The following NFAT5 variants were observed in gnomAD, a reference collection of about 807,000 sequenced individuals.
The protein encoded by NFAT5 is nuclear factor of activated T-cells 5.
Under a neutral mutation model 166.5 loss-of-function variants are expected in NFAT5, and 31 were observed. The ratio of observed to expected loss-of-function variants is 0.19; its 90% CI spans 0.14 to 0.25. The LOEUF is 0.25. Among genes scored for constraint, NFAT5 ranks in the 10% least tolerant of loss-of-function variants. NFAT5 has a pLI of 1.00. For missense variants in NFAT5, 1,449 were observed against 1,821.8 expected (o/e 0.80, Z 3.72); for synonymous variants, 612 against 639.7 (o/e 0.96, Z 0.65).
intron 2 of NFAT5, among the ~76,000 whole-genome samples, chr16:69,570,249 A>T (rs1368167997): frequency 6.6e-6 from 1 of 152,146 alleles, no homozygotes; most frequent in Non-Finnish European, 1.5e-5. Context: ...TATAAGTATC[A>T]ATTCTGTCAT....
Position 69,693,125 on chromosome 16 carries a change from G to C in NFAT5, c.3300G>C (p.Gln1100His). ...CTCAAAATCCTATTGCCGATGCTCA[G>C]AACCTTTCCCAGGAAACTCAAGGTT... is the stretch of plus-strand genomic sequence containing the variant. The part of the protein sequence containing the change: ...FHPQNPIADA[Q>H]NLSQETQGSL... Residue 1100 changes from glutamine to histidine, a missense_variant, in exon 13 of 15, where the codon CAG becomes CAC. Transcript: ENST00000349945. 6.2e-7 allele frequency: 1 copy of C among 1,614,062 alleles called. No individual in the cohort carries two copies. Among genetic ancestry groups the C allele is most frequent in the Non-Finnish European group, 8.5e-7 (1 of 1,180,020 alleles).
intron 2 of NFAT5, among the ~76,000 whole-genome samples, chr16:69,602,514 AC>A (rs2033183946): frequency 6.6e-6 from 1 of 150,842 alleles, no homozygotes; most frequent in Non-Finnish European, 1.5e-5. Context: ...GTGATCCGCC[AC>A]CTCAGCCTCC....
intron 3 of NFAT5, among the ~76,000 whole-genome samples, chr16:69,633,223 A>G (rs1160872503): frequency 6.6e-6 from 1 of 152,160 alleles, no homozygotes; most frequent in East Asian, 1.9e-4. Flanking sequence ...TCAGTTTCTA[A>G]TAAATAAGCA....
chr16:69,699,557 G>A lies in NFAT5; in HGVS notation c.*3206G>A, dbSNP rs7359336. 0.66 allele frequency: 100,045 copies of A among 152,502 alleles called. 33,559 individuals carry two copies. Among genetic ancestry groups the A allele is most frequent in the East Asian group, 0.88 (4,571 of 5,182 alleles). 9.4% of individuals were successfully genotyped at this position (152,502 alleles called of 1,614,324 possible). A position where few individuals can be genotyped will look rare whatever the true frequency, so the allele number is the denominator to read the frequency against. ...CATTCTGAAAATACAATTTGGCTAC[G>A]AAGAGTATTCATCTTCTTTGAAGCT... On this transcript the variant is annotated 3_prime_UTR_variant, in exon 15 of 15. Coordinates refer to ENST00000349945, the MANE Select transcript of NFAT5 (RefSeq NM_138713.4).
chr16:69,686,773 G>C (rs1268131094), intron 11 of NFAT5, among the ~76,000 whole-genome samples: 1 of 152,046 alleles, frequency 6.6e-6, no homozygotes, highest in Non-Finnish European at 1.5e-5. Context: ...TTGGGCAGAA[G>C]AATTGCTTGA....
chr16:69,663,383 T>A (rs1021511476), intron 7 of NFAT5, among the ~76,000 whole-genome samples: 3 of 152,120 alleles, frequency 2.0e-5, no homozygotes, highest in African/African-American at 7.2e-5. Flanking sequence ...TAGGTGTATA[T>A]GTTTTTTGTT....
chr16:69,603,232 A>T (rs2033231230), intron 2 of NFAT5, among the ~76,000 whole-genome samples: 1 of 152,098 alleles, frequency 6.6e-6, no homozygotes, highest in East Asian at 1.9e-4. Context: ...ATGATATATC[A>T]CCTTTATATC....
chr16:69,614,094 T>A (rs2033825788), intron 2 of NFAT5, among the ~76,000 whole-genome samples: 3 of 152,316 alleles, frequency 2.0e-5, no homozygotes, highest in Non-Finnish European at 2.9e-5. Context: ...GTAGCAAAAG[T>A]GAGAGGGAGA....
intron 2 of NFAT5, among the ~76,000 whole-genome samples, chr16:69,601,270 C>T (rs1053219820): frequency 1.3e-5 from 2 of 152,118 alleles, no homozygotes; most frequent in African/African-American, 2.4e-5. Context: ...CTTATTTATA[C>T]ATTTCTGCAT....
chr16:69,588,439 A>T (rs559364754), intron 2 of NFAT5, among the ~76,000 whole-genome samples: 10 of 152,318 alleles, frequency 6.6e-5, no homozygotes, highest in African/African-American at 2.4e-4. Flanking sequence ...CAAAAGAGAG[A>T]TGATTGCTAA....
At chr16:69,657,409 C>T (rs1597483769) in intron 6 of NFAT5, among the ~76,000 whole-genome samples, 1 of 151,200 alleles carries the variant, frequency 6.6e-6, no homozygotes, top group Non-Finnish European at 1.5e-5. Context: ...GGATTACAGG[C>T]GTGAGCCACC....
At chr16:69,611,872 A>G (rs1187494492) in intron 2 of NFAT5, among the ~76,000 whole-genome samples, 2 of 152,272 alleles carry the variant, frequency 1.3e-5, no homozygotes, top group Non-Finnish European at 2.9e-5. Context: ...TAAGCCCATT[A>G]GAATGGAAGG....
intron 2 of NFAT5, among the ~76,000 whole-genome samples, chr16:69,617,571 G>A (rs557454028): frequency 1.3e-5 from 2 of 151,140 alleles, no homozygotes; most frequent in South Asian, 4.2e-4. Context: ...GCTCACTGCA[G>A]CCTTGACCTC....
At chr16:69,695,537 A>G in intron 14 of NFAT5, 158 bp downstream of exon 14, 2 of 628,612 alleles carry the variant, frequency 3.2e-6, no homozygotes, top group Non-Finnish European at 5.5e-6. Flanking sequence ...ATGATAGCTT[A>G]TGGTCATATA....
chr16:69,649,346 A>G, intron 4 of NFAT5: 1 of 973,536 alleles, frequency 1.0e-6, no homozygotes, highest in Non-Finnish European at 1.2e-6. Context: ...TTTAGAGCAA[A>G]TAGAATTTTT....
intron 2 of NFAT5, among the ~76,000 whole-genome samples, chr16:69,607,882 A>G (rs1183149994): frequency 6.6e-6 from 1 of 151,822 alleles, no homozygotes; most frequent in Non-Finnish European, 1.5e-5. Flanking sequence ...CTCTCTTTTC[A>G]TTACTCCCTT....
At chr16:69,610,481 A>G (rs1196966620) in intron 2 of NFAT5, among the ~76,000 whole-genome samples, 1 of 152,212 alleles carries the variant, frequency 6.6e-6, no homozygotes, top group Non-Finnish European at 1.5e-5. Context: ...TATTAAGCAC[A>G]TTATTGAAAT....
intron 10 of NFAT5, among the ~76,000 whole-genome samples, chr16:69,679,375 G>A (rs908342119): frequency 6.6e-6 from 1 of 151,526 alleles, no homozygotes; most frequent in Admixed American, 6.6e-5. Context: ...TAGCACATTG[G>A]GAGGCCGAGG....
rs1208108931 is a variant in NFAT5 at position 69,670,240 on chromosome 16, A to G, written c.1509A>G (p.Glu503=). ...KVIFQENVSD[E]NSWKSEAEID... Reference sequence around the variant, plus strand: ...ATCACTTTTTATTTCAATCAGATGAAAACTCTTGGAAGTCAGAAGCTGAAA... The same window carrying G: ...ATCACTTTTTATTTCAATCAGATGAGAACTCTTGGAAGTCAGAAGCTGAAA... Residue 503 remains glutamate (E), a synonymous_variant, in exon 9 of 15, where the codon GAA becomes GAG. Transcript: ENST00000349945. 6.3e-6 allele frequency: 10 copies of G among 1,588,706 alleles called. No individual in the cohort carries two copies. Among genetic ancestry groups the G allele is most frequent in the Non-Finnish European group, 8.6e-6 (10 of 1,169,044 alleles).
Sources: allele counts gnomAD v4.1 joint callset (sites outside exome capture counted in the v4.1 genomes callset), GRCh38; gene constraint gnomAD v4.1.1; transcripts MANE v1.5; gene names NCBI Gene and HGNC (gene_info 2026-07-23, HGNC 2026-07-21).